The following SGIP1 variants were observed in gnomAD, a reference collection of about 807,000 sequenced individuals.
The protein encoded by SGIP1 is SH3-containing GRB2-like protein 3-interacting protein 1.
SGIP1 carries 38 observed loss-of-function variants against 107.5 expected under a neutral mutation model. The ratio of observed to expected loss-of-function variants is 0.35; its 90% CI spans 0.27 to 0.46. The LOEUF (loss-of-function observed/expected upper bound fraction) is 0.46, where lower values mean the gene tolerates loss of function less well. SGIP1 is among the 20% of genes least tolerant of loss of function. The pLI is 1.00. For missense variants in SGIP1, 929 were observed against 1,019.5 expected, an observed-to-expected ratio of 0.91 and a Z score of 1.21; for synonymous variants, 365 against 366.1, an observed-to-expected ratio of 1.00 and a Z score of 0.03.
intron 1 of SGIP1, among the ~76,000 whole-genome samples, chr1:66,573,053 G>A (rs745546394): frequency 6.6e-6 from 1 of 152,008 alleles, no homozygotes; most frequent in Non-Finnish European, 1.5e-5. Context: ...GGAGGTGGGA[G>A]GGTTGGGGGG....
chr1:66,635,316 C>A (rs1475431444), intron 3 of SGIP1, among the ~76,000 whole-genome samples: 1 of 152,226 alleles, frequency 6.6e-6, no homozygotes, highest in Non-Finnish European at 1.5e-5. Flanking sequence ...CCGAGTGTGA[C>A]AATGCATCCT....
chr1:66,557,290 T>TTTCCCA (rs1206903278), intron 1 of SGIP1, among the ~76,000 whole-genome samples: 1 of 152,146 alleles, frequency 6.6e-6, no homozygotes, highest in Non-Finnish European at 1.5e-5. Context: ...CTTTTGGAAT[T>TTTCCCA]TTCCCATTCC....
intron 3 of SGIP1, among the ~76,000 whole-genome samples, chr1:66,633,531 A>G (rs1266945499): frequency 6.6e-6 from 1 of 152,210 alleles, no homozygotes; most frequent in Non-Finnish European, 1.5e-5. Context: ...TACATTTTCT[A>G]TATTAAATTC....
At position 66,677,036 on chromosome 1, in the gene SGIP1, G is replaced by T. The variant is rs2085540288; in HGVS notation, c.679G>T (p.Gly227Cys). The T allele has an allele frequency of 1.9e-6, 3 of 1,613,816 alleles. No homozygotes were observed. Among genetic ancestry groups the T allele is most frequent in the Non-Finnish European group, 2.5e-6 (3 of 1,179,950 alleles). ...AGATCAGCCTGAGATATGGGGTTCA[G>T]GCCAACCAATTAATCCAAGCATGGA... ...LLDQPEIWGS[G>C]QPINPSMESP... Residue 227 changes from glycine to cysteine, a missense_variant, in exon 13 of 25, where the codon GGC (glycine) becomes TGC (cysteine). By Grantham distance (159) the Gly-to-Cys change is radical (BLOSUM62 -3). Around this residue, in one of 2 missense-constraint regions of SGIP1, gnomAD observed 588 missense variants for 588.6 expected, o/e 1.00. Transcript: ENST00000371037.
intron 24 of SGIP1, among the ~76,000 whole-genome samples, chr1:66,742,788 A>G (rs776296048): frequency 6.6e-6 from 1 of 152,130 alleles, no homozygotes; most frequent in East Asian, 1.9e-4. Context: ...CCTTTCTAAC[A>G]TAAGTTGGAT....
chr1:66,589,206 A>ATGTGTGTGTGTGTG (rs1414306276), intron 1 of SGIP1, among the ~76,000 whole-genome samples: 892 of 63,300 alleles, frequency 0.014, 50 homozygotes, highest in Middle Eastern at 0.025. Flanking sequence ...ATATATATAT[A>ATGTGTGTGTGTGTG]TATATATATA....
chr1:66,589,253 G>T (rs1557990747), intron 1 of SGIP1, among the ~76,000 whole-genome samples: 1 of 125,550 alleles, frequency 8.0e-6, no homozygotes. Context: ...GAAGGATTCA[G>T]AAATTTCTCA....
chr1:66,556,311 G>A (rs186351007), intron 1 of SGIP1, among the ~76,000 whole-genome samples: 4 of 151,934 alleles, frequency 2.6e-5, no homozygotes, highest in South Asian at 2.1e-4. Context: ...TTGAATTCGC[G>A]GGCCCTCTGA....
At chr1:66,542,974 G>A (rs1370194719) in intron 1 of SGIP1, among the ~76,000 whole-genome samples, 1 of 152,150 alleles carries the variant, frequency 6.6e-6, no homozygotes, top group African/African-American at 2.4e-5. Context: ...TCTCTGACTG[G>A]CAAGTAAACA....
intron 1 of SGIP1, among the ~76,000 whole-genome samples, chr1:66,557,356 AT>A (rs1411854481): frequency 2.6e-5 from 4 of 152,298 alleles, no homozygotes; most frequent in Admixed American, 2.6e-4. Context: ...TGCAGCCTGA[AT>A]CAGAATTTTC....
At chr1:66,703,817 ATGAT>A (rs1288439459) in intron 18 of SGIP1, among the ~76,000 whole-genome samples, 10 of 151,808 alleles carry the variant, frequency 6.6e-5, no homozygotes, top group Admixed American at 5.3e-4. Context: ...TGGAATATGA[ATGAT>A]ATATGGCATA....
chr1:66,684,731 T>C (rs953186271), intron 15 of SGIP1, among the ~76,000 whole-genome samples: 1 of 152,242 alleles, frequency 6.6e-6, no homozygotes, highest in African/African-American at 2.4e-5. Context: ...CTCGAAGATA[T>C]TTGTTCAATT....
intron 15 of SGIP1, among the ~76,000 whole-genome samples, chr1:66,685,460 G>A (rs1204281074): frequency 6.6e-6 from 1 of 152,218 alleles, no homozygotes; most frequent in Non-Finnish European, 1.5e-5. Flanking sequence ...TGTGGGTTGT[G>A]TGCCAGAGGC....
chr1:66,690,399 T>G, intron 17 of SGIP1, 83 bp downstream of exon 17: 1 of 1,555,098 alleles, frequency 6.4e-7, no homozygotes, highest in East Asian at 2.3e-5. Flanking sequence ...AGGCCCTGTG[T>G]TTCTGGTTGA....
chr1:66,739,448 G>A lies in SGIP1; in HGVS notation c.2145G>A (p.Thr715=), dbSNP rs750472634. 26 of 1,614,144 alleles carry A rather than the reference G, an allele frequency of 1.6e-5. No homozygotes were observed. Among genetic ancestry groups the A allele is most frequent in the East Asian group, 6.7e-5 (3 of 44,874 alleles). The stretch of plus-strand genomic sequence containing the variant: ...ACAAATATAATACAGATGCAATGAC[G>A]ACTGCTGTGGCCCTCAACAATGTGC... ...IDYKYNTDAM[T]TAVALNNVQF... Residue 715 remains threonine, a synonymous_variant, in exon 22 of 25, where the codon ACG becomes ACA. Coordinates refer to ENST00000371037, the MANE Select transcript of SGIP1 (RefSeq NM_032291.4).
At chr1:66,633,981 G>T (rs1235316224) in intron 3 of SGIP1, 1 of 1,003,502 alleles carries the variant, frequency 1.0e-6, no homozygotes, top group Non-Finnish European at 1.5e-6. Flanking sequence ...TAGCTTTGGG[G>T]CGCCTTTTGC....
At chr1:66,739,279 A>G in intron 21 of SGIP1, 56 bp from the exon 22 acceptor site, 1 of 1,554,168 alleles carries the variant, frequency 6.4e-7, no homozygotes. Flanking sequence ...ATTTTGTTTG[A>G]TGTCTAAGAA....
rs995021443 is a variant in SGIP1 at position 66,747,159 on chromosome 1, G to A, written c.*4064G>A. ...AGTTCATACAAGCTATACACAGTAG[G>A]CATCGATAAATTTGTATTGACAGCA... is the stretch of plus-strand genomic sequence containing the variant. On this transcript the variant is annotated 3_prime_UTR_variant, in exon 25 of 25. Coordinates refer to ENST00000371037, the MANE Select transcript of SGIP1 (RefSeq NM_032291.4). The A allele has an allele frequency of 2.2e-4, 34 of 152,054 alleles. No homozygotes were observed. The highest frequency in any genetic ancestry group is 7.7e-4 in the African/African-American group (32 of 41,434). The allele number at this position is 152,054 out of a possible 1,614,324, so 9.4% of individuals were successfully genotyped here.
chr1:66,749,313 T>A lies in SGIP1; in HGVS notation c.*6218T>A, dbSNP rs1341749526. On this transcript the variant is annotated 3_prime_UTR_variant, in exon 25 of 25. Transcript: ENST00000371037. ...AGGAAACTGAATCATGATAGATCAA[T>A]GTTGACAGTATTTTTACATCAGCTT... is the stretch of plus-strand genomic sequence containing the variant. Among the ~76,000 whole-genome samples, 1 of 151,986 alleles carries A rather than the reference T, an allele frequency of 6.6e-6. No individual in the cohort carries two copies. The highest frequency in any genetic ancestry group is 1.5e-5 in the Non-Finnish European group (1 of 67,896).
Sources: gnomAD v4.1 joint callset for allele counts (sites outside exome capture counted in the v4.1 genomes callset) on GRCh38, gnomAD v4.1.1 for gene constraint, gnomAD v4.1.1 regional missense constraint, MANE v1.5 for transcripts, NCBI Gene and HGNC (gene_info 2026-07-23, HGNC 2026-07-21) for gene names.